Variants in TACR1 observed in about 807,000 individuals in gnomAD.
TACR1 encodes substance-P receptor.
TACR1 carries 25 observed loss-of-function variants against 35.8 expected under a neutral mutation model. That is an observed-to-expected ratio of 0.70 (90% CI 0.51 to 0.98). The LOEUF (loss-of-function observed/expected upper bound fraction) is 0.98, where lower values mean the gene tolerates loss of function less well. TACR1 is among the 50% of genes least tolerant of loss of function. The pLI is 0.00. For synonymous variants in TACR1, 195 were observed against 206.7 expected (o/e 0.94, Z 0.48); for missense variants, 478 against 522.9 (o/e 0.91, Z 0.84).
rs1558572488 is a variant in TACR1, at chr2:75,154,468, GGAGATTCAGCACTAACCCAC to G, written c.390-33720_390-33701del. The G allele has an allele frequency of 1.1e-4, 6 of 55,954 alleles. 1 individual carries two copies. The highest frequency in any genetic ancestry group is 2.9e-4 in the African/African-American group (5 of 17,400). 3.5% of individuals were successfully genotyped at this position (55,954 alleles called of 1,614,324 possible). Reference sequence around the variant, plus strand: ...CACACACACTCTGAAGAAACCCAGTGGAGATTCAGCACTAACCCACCACACACACACACACACACACACAC... The same window carrying G: ...CACACACACTCTGAAGAAACCCAGTGCACACACACACACACACACACACAC... On this transcript the variant is annotated intron_variant, in intron 1 of 4. Transcript: ENST00000305249.
chr2:75,198,978 C>T lies in TACR1; in HGVS notation c.-44G>A, dbSNP rs1676066726. On this transcript the variant is annotated 5_prime_UTR_variant, in exon 1 of 5. Coordinates refer to ENST00000305249, the MANE Select transcript of TACR1 (RefSeq NM_001058.4). ...AGCCCTACTATCTGTACACAACCCC[C>T]CTCTGCAGCAGAGTCCTGTGGCTGG... 6.3e-7 allele frequency: 1 copy of T among 1,590,490 alleles called. No homozygotes were observed.
chr2:75,141,870 C>T (rs548112491), intron 1 of TACR1, among the ~76,000 whole-genome samples: 1 of 152,240 alleles, frequency 6.6e-6, no homozygotes, highest in African/African-American at 2.4e-5. Flanking sequence ...AGCTTCATAC[C>T]CCACATCTGC....
In TACR1 at chr2:75,154,401, A is replaced by AGCGCGCGCGCGCGCGCGC. The variant is rs142809732; in HGVS notation, c.390-33634_390-33633insGCGCGCGCGCGCGCGCGC. Reference sequence around the variant, plus strand: ...TGGCCCAGGGAGATAATCAGCCAAGAGCGCGCACGCACACACACACACACA... The same window carrying AGCGCGCGCGCGCGCGCGC: ...TGGCCCAGGGAGATAATCAGCCAAGAGCGCGCGCGCGCGCGCGCGCGCGCACGCACACACACACACACA... On this transcript the variant is annotated intron_variant, in intron 1 of 4. Transcript: ENST00000305249. The AGCGCGCGCGCGCGCGCGC allele has an allele frequency of 6.4e-3, 491 of 76,398 alleles. 40 individuals are homozygous for AGCGCGCGCGCGCGCGCGC. Among genetic ancestry groups the AGCGCGCGCGCGCGCGCGC allele is most frequent in the Middle Eastern group, 0.015 (2 of 136 alleles). 4.7% of individuals were successfully genotyped at this position (76,398 alleles called of 1,614,324 possible). A position where few individuals can be genotyped will look rare whatever the true frequency, so the allele number is the denominator to read the frequency against.
At chr2:75,095,018 C>T (rs1673391994) in intron 2 of TACR1, among the ~76,000 whole-genome samples, 1 of 151,850 alleles carries the variant, frequency 6.6e-6, no homozygotes, top group Admixed American at 6.6e-5. Flanking sequence ...AGAACTTGAC[C>T]ACTGACTGGG....
chr2:75,171,509 AGAGG>A (rs1675282406), intron 1 of TACR1, among the ~76,000 whole-genome samples: 4 of 152,160 alleles, frequency 2.6e-5, no homozygotes, highest in Non-Finnish European at 5.9e-5. Context: ...AGCTGTCAGA[AGAGG>A]GCCACCATCC....
chr2:75,104,676 C>T (rs1470995733), intron 2 of TACR1, among the ~76,000 whole-genome samples: 1 of 152,028 alleles, frequency 6.6e-6, no homozygotes, highest in Admixed American at 6.5e-5. Context: ...AGACTGAAAT[C>T]ATATCAAGTA....
intron 2 of TACR1, among the ~76,000 whole-genome samples, chr2:75,102,893 A>G (rs1045766237): frequency 6.6e-6 from 1 of 152,176 alleles, no homozygotes; most frequent in Non-Finnish European, 1.5e-5. Context: ...GGTGATTATC[A>G]GTAAAATAAA....
At chr2:75,170,189 T>TA (rs1675243104) in intron 1 of TACR1, among the ~76,000 whole-genome samples, 1 of 152,074 alleles carries the variant, frequency 6.6e-6, no homozygotes, top group African/African-American at 2.4e-5. Context: ...TGTTGGGAGG[T>TA]AATTGAGTCA....
At chr2:75,156,106 A>T (rs761335402) in intron 1 of TACR1, 8 of 152,252 alleles carry the variant, frequency 5.3e-5, no homozygotes, top group Non-Finnish European at 1.0e-4. Flanking sequence ...CTTTTGTGCT[A>T]TAACACAGAG....
intron 2 of TACR1, among the ~76,000 whole-genome samples, chr2:75,085,153 A>G (rs141301783): frequency 6.6e-6 from 1 of 152,216 alleles, no homozygotes; most frequent in East Asian, 1.9e-4. Flanking sequence ...GGAGAAACCA[A>G]CATTTCTTAA....
intron 2 of TACR1, among the ~76,000 whole-genome samples, chr2:75,066,346 C>T (rs1393846497): frequency 6.6e-6 from 1 of 152,208 alleles, no homozygotes; most frequent in East Asian, 1.9e-4. Context: ...CAGCCCTGTG[C>T]ATTTCTTTCT....
At chr2:75,167,176 A>G (rs1675164499) in intron 1 of TACR1, among the ~76,000 whole-genome samples, 1 of 152,256 alleles carries the variant, frequency 6.6e-6, no homozygotes, top group Non-Finnish European at 1.5e-5. Flanking sequence ...AAACTTAAAA[A>G]TGGAAGGCTT....
At chr2:75,095,827 G>T (rs979674172) in intron 2 of TACR1, among the ~76,000 whole-genome samples, 1 of 152,092 alleles carries the variant, frequency 6.6e-6, no homozygotes, top group Non-Finnish European at 1.5e-5. Flanking sequence ...TGTCCCTTCT[G>T]TGTGCCCTTC....
intron 1 of TACR1, chr2:75,154,401 A>AGCGCGCGCGCGCGCGCGCGCGCGCGC (rs142809732): frequency 1.0e-4 from 8 of 76,440 alleles, no homozygotes; most frequent in Non-Finnish European, 1.4e-4. Flanking sequence ...ATCAGCCAAG[A>AGCGCGCGCGCGCGCGCGCGCGCGCGC]GCGCGCACGC....
intron 2 of TACR1, among the ~76,000 whole-genome samples, chr2:75,076,400 C>T (rs1672981122): frequency 3.9e-5 from 6 of 152,228 alleles, no homozygotes; most frequent in Admixed American, 3.9e-4. Context: ...ACCTTTTTGT[C>T]AGCTCAAGGG....
At chr2:75,175,029 G>A (rs1041220429) in intron 1 of TACR1, among the ~76,000 whole-genome samples, 2 of 152,186 alleles carry the variant, frequency 1.3e-5, no homozygotes, top group African/African-American at 4.8e-5. Flanking sequence ...TGAGGCTACT[G>A]AGTTCCAAGT....
At chr2:75,188,932 C>G (rs935709990) in intron 1 of TACR1, 22 of 152,260 alleles carry the variant, frequency 1.4e-4, no homozygotes, top group Non-Finnish European at 5.9e-5. Flanking sequence ...CAGAAAAAAT[C>G]TGGCACATAT....
chr2:75,068,083 G>A (rs1253831699), intron 2 of TACR1, among the ~76,000 whole-genome samples: 1 of 152,168 alleles, frequency 6.6e-6, no homozygotes, highest in East Asian at 1.9e-4. Context: ...GCCAATAGGA[G>A]ATATCTATGT....
chr2:75,163,770 G>GGGAGA (rs902800730), intron 1 of TACR1, among the ~76,000 whole-genome samples: 2 of 152,176 alleles, frequency 1.3e-5, no homozygotes, highest in African/African-American at 4.8e-5. Flanking sequence ...AAGAGAGCAA[G>GGGAGA]GGAGAGAGAG....
Sources: gnomAD v4.1 joint callset for allele counts (sites outside exome capture counted in the v4.1 genomes callset) on GRCh38, gnomAD v4.1.1 for gene constraint, MANE v1.5 for transcripts, NCBI Gene and HGNC (gene_info 2026-07-23, HGNC 2026-07-21) for gene names.